Variants in MAP2K5 observed in about 807,000 individuals in gnomAD.
MAP2K5 encodes dual specificity mitogen-activated protein kinase kinase 5.
A neutral mutation model predicts 83.1 loss-of-function variants in MAP2K5; 49 were observed. The observed-to-expected ratio is 0.59, with a 90% confidence interval of 0.47 to 0.75. MAP2K5 has a LOEUF of 0.75. Among genes scored for constraint, MAP2K5 ranks in the 30% least tolerant of loss-of-function variants. The pLI, the probability that MAP2K5 is intolerant of heterozygous loss-of-function variation, is 0.00. For missense variants in MAP2K5, 457 were observed against 557.5 expected (o/e 0.82, Z 1.82); for synonymous variants, 202 against 191.8 (o/e 1.05, Z -0.44).
At position 67,770,944 on chromosome 15, in the gene MAP2K5, T is replaced by C. The variant is rs1380260822; in HGVS notation, c.1196+1281T>C. On this transcript the variant is annotated intron_variant, in intron 20 of 21. Coordinates refer to ENST00000178640, the MANE Select transcript of MAP2K5 (RefSeq NM_145160.3). The surrounding 1 kb of genome is among the most constrained non-coding windows in gnomAD (Gnocchi z 5.0). Reference sequence around the variant, plus strand: ...ATACTTATATAATATTGTGTAGCTTTTAAAAACTATTTTTACTCTGAAAAC... The same window carrying C: ...ATACTTATATAATATTGTGTAGCTTCTAAAAACTATTTTTACTCTGAAAAC... 1.3e-5 allele frequency among the ~76,000 whole-genome samples: 2 copies of C among 152,194 alleles called. No individual in the cohort carries two copies. The highest frequency in any genetic ancestry group is 2.9e-5 in the Non-Finnish European group (2 of 68,034).
chr15:67,710,018 C>A (rs1473255190), intron 16 of MAP2K5, among the ~76,000 whole-genome samples: 1 of 152,178 alleles, frequency 6.6e-6, no homozygotes, highest in Non-Finnish European at 1.5e-5. Flanking sequence ...AGGAGTCAGA[C>A]TGAAAGCCTG....
At chr15:67,651,264 T>TTTATGTACATAATATTGTACATA (rs2086946285) in intron 11 of MAP2K5, among the ~76,000 whole-genome samples, 1 of 152,194 alleles carries the variant, frequency 6.6e-6, no homozygotes, top group African/African-American at 2.4e-5. Context: ...ATTGTACATA[T>TTTATGTACATAATATTGTACATA]TTATGGAGTA....
intron 13 of MAP2K5, 95 bp downstream of exon 13, chr15:67,664,740 G>T: frequency 1.3e-6 from 1 of 766,226 alleles, no homozygotes. Context: ...TGACATTTAA[G>T]CCAGCTGATA....
intron 3 of MAP2K5, among the ~76,000 whole-genome samples, chr15:67,564,562 G>A (rs545369352): frequency 1.6e-4 from 25 of 152,294 alleles, no homozygotes; most frequent in African/African-American, 6.0e-4. Context: ...GATTAACAGA[G>A]CATTGCATTC....
chr15:67,728,001 G>T, intron 17 of MAP2K5, 56 bp downstream of exon 17: 1 of 1,395,356 alleles, frequency 7.2e-7, no homozygotes, highest in Non-Finnish European at 1.0e-6. Flanking sequence ...TATGTATGAA[G>T]GTGCAGGGAG....
At chr15:67,622,974 C>G (rs955342933) in intron 8 of MAP2K5, among the ~76,000 whole-genome samples, 1 of 151,980 alleles carries the variant, frequency 6.6e-6, no homozygotes, top group Admixed American at 6.6e-5. Context: ...TGGTGGTGGG[C>G]GCCTGTAGTC....
At position 67,668,255 on chromosome 15, in the gene MAP2K5, G is replaced by A. The variant is rs2087436739; in HGVS notation, c.847+3610G>A. ...TAAGAATACACCACTCCAAAACCAA[G>A]CCAGGGAGAGAGTTTATTATACTTT... On this transcript the variant is annotated intron_variant, in intron 13 of 21. Coordinates refer to ENST00000178640, the MANE Select transcript of MAP2K5 (RefSeq NM_145160.3). The surrounding 1 kb of genome is among the most constrained non-coding windows in gnomAD (Gnocchi z 4.0). 6.6e-6 allele frequency among the ~76,000 whole-genome samples: 1 copy of A among 152,124 alleles called. No homozygotes were observed. The highest frequency in any genetic ancestry group is 2.4e-5 in the African/African-American group (1 of 41,422).
In MAP2K5 at chr15:67,757,837, G is replaced by T. The variant is rs1156280613; in HGVS notation, c.1134+9236G>T. On this transcript the variant is annotated intron_variant, in intron 19 of 21. Transcript: ENST00000178640. The surrounding 1 kb of genome is among the most constrained non-coding windows in gnomAD (Gnocchi z 4.9). ...ATATAAATTCTATAATTAAAGTGTGGCCAAGGTGCTGGGGAAACACAGAGG... is the reference window on the plus strand; with the variant it reads ...ATATAAATTCTATAATTAAAGTGTGTCCAAGGTGCTGGGGAAACACAGAGG... Among the ~76,000 whole-genome samples, 1 of 152,126 alleles carries T rather than the reference G, an allele frequency of 6.6e-6. No individual in the cohort carries two copies. Among genetic ancestry groups the T allele is most frequent in the African/African-American group, 2.4e-5 (1 of 41,426 alleles).
At chr15:67,675,836 C>A (rs2087666843) in intron 13 of MAP2K5, among the ~76,000 whole-genome samples, 1 of 152,114 alleles carries the variant, frequency 6.6e-6, no homozygotes, top group Non-Finnish European at 1.5e-5. Flanking sequence ...GCAGAGTCAT[C>A]CCTTTTAGGA....
chr15:67,615,729 G>A (rs1287795563), intron 8 of MAP2K5, among the ~76,000 whole-genome samples: 2 of 149,504 alleles, frequency 1.3e-5, no homozygotes, highest in African/African-American at 4.9e-5. Context: ...TTCATTAGCT[G>A]AACCACAGCT....
chr15:67,600,618 T>G (rs2085636163), intron 7 of MAP2K5, 67 bp from the exon 8 acceptor site: 1 of 1,257,634 alleles, frequency 8.0e-7, no homozygotes, highest in Admixed American at 1.9e-5. Context: ...TGGCCCAGAG[T>G]TGCTTTTCCT....
chr15:67,739,749 A>G (rs888639459), intron 17 of MAP2K5, among the ~76,000 whole-genome samples: 3 of 151,792 alleles, frequency 2.0e-5, no homozygotes, highest in African/African-American at 7.3e-5. Flanking sequence ...CCAAAGTGCT[A>G]GGATTACAGG....
At chr15:67,715,236 AGG>A (rs3837736) in intron 16 of MAP2K5, among the ~76,000 whole-genome samples, 1 of 131,716 alleles carries the variant, frequency 7.6e-6, no homozygotes, top group Non-Finnish European at 1.6e-5. Flanking sequence ...TTGGGCGGGG[AGG>A]GGGGGGGTCT....
At chr15:67,628,459 G>A (rs1243560018) in intron 8 of MAP2K5, 6 of 572,310 alleles carry the variant, frequency 1.0e-5, no homozygotes, top group East Asian at 3.0e-5. Context: ...CAGCCTGGGC[G>A]ACAGAGCGAG....
intron 16 of MAP2K5, among the ~76,000 whole-genome samples, chr15:67,716,412 G>A (rs1344536603): frequency 1.3e-5 from 2 of 152,156 alleles, no homozygotes; most frequent in Admixed American, 1.3e-4. Context: ...TTACTTTTGA[G>A]TTGAGATCTG....
chr15:67,806,365 C>G (rs1343847544), intron 21 of MAP2K5, among the ~76,000 whole-genome samples: 1 of 152,206 alleles, frequency 6.6e-6, no homozygotes, highest in Non-Finnish European at 1.5e-5. Context: ...GGCCCTCGCC[C>G]TTAAGCACCT....
At chr15:67,659,755 G>C (rs566474669) in intron 12 of MAP2K5, among the ~76,000 whole-genome samples, 31 of 152,022 alleles carry the variant, frequency 2.0e-4, no homozygotes, top group Non-Finnish European at 2.9e-4. Context: ...AAAGAAAAAA[G>C]TATACAACTT....
chr15:67,591,925 AAC>A (rs2141012680), intron 6 of MAP2K5, among the ~76,000 whole-genome samples: 1 of 152,012 alleles, frequency 6.6e-6, no homozygotes, highest in African/African-American at 2.4e-5. Flanking sequence ...CAGCCTGACC[AAC>A]ATGGAGAAAC....
At chr15:67,671,714 A>G (rs2141167445) in intron 13 of MAP2K5, among the ~76,000 whole-genome samples, 1 of 151,712 alleles carries the variant, frequency 6.6e-6, no homozygotes, top group African/African-American at 2.4e-5. Context: ...CACAATGTGC[A>G]GGTTAGTTGC....
Sources: allele counts gnomAD v4.1 joint callset (sites outside exome capture counted in the v4.1 genomes callset), GRCh38; gene constraint gnomAD v4.1.1; non-coding constraint Gnocchi (gnomAD v3.1); transcripts MANE v1.5; gene names NCBI Gene and HGNC (gene_info 2026-07-23, HGNC 2026-07-21).